POLR3B: variants seen among roughly 807,000 people sequenced by gnomAD.
The protein encoded by POLR3B is DNA-directed RNA polymerase III subunit RPC2.
In POLR3B, 96 loss-of-function variants were observed where a neutral mutation model predicts 147.4. The ratio of observed to expected loss-of-function variants is 0.65; its 90% confidence interval spans 0.55 to 0.77. The LOEUF is 0.77. POLR3B is among the 30% of genes least tolerant of loss of function. POLR3B has a pLI of 0.00. For missense variants in POLR3B, 1,036 were observed against 1,413.5 expected, an observed-to-expected ratio of 0.73 and a Z score of 4.28; for synonymous variants, 461 against 485.9, an observed-to-expected ratio of 0.95 and a Z score of 0.67.
intron 23 of POLR3B, among the ~76,000 whole-genome samples, chr12:106,483,873 A>G (rs557420537): frequency 6.6e-5 from 10 of 152,372 alleles, no homozygotes; most frequent in African/African-American, 1.9e-4. Flanking sequence ...TCCTCTGTTC[A>G]GTATTTAAAG....
intron 23 of POLR3B, among the ~76,000 whole-genome samples, chr12:106,491,534 G>A (rs1318181869): frequency 6.6e-6 from 1 of 152,192 alleles, no homozygotes; most frequent in Non-Finnish European, 1.5e-5. Flanking sequence ...ACCATTCAGT[G>A]TAAGGAGTGT....
At chr12:106,407,154 T>C (rs2136933326) in intron 11 of POLR3B, among the ~76,000 whole-genome samples, 1 of 152,342 alleles carries the variant, frequency 6.6e-6, no homozygotes, top group African/African-American at 2.4e-5. Context: ...CTCAACTGAA[T>C]TTTAAGCTCT....
chr12:106,400,290 T>C (rs2136924936), intron 10 of POLR3B, among the ~76,000 whole-genome samples: 1 of 152,328 alleles, frequency 6.6e-6, no homozygotes, highest in East Asian at 1.9e-4. Flanking sequence ...CTAACTATCC[T>C]AAATATATAT....
chr12:106,432,031 G>A (rs773322456), intron 14 of POLR3B, among the ~76,000 whole-genome samples: 1 of 152,130 alleles, frequency 6.6e-6, no homozygotes, highest in Non-Finnish European at 1.5e-5. Flanking sequence ...AATCAGTTTT[G>A]TTGGGCATTT....
chr12:106,490,088 C>T (rs1340832488), intron 23 of POLR3B, among the ~76,000 whole-genome samples: 3 of 152,114 alleles, frequency 2.0e-5, no homozygotes, highest in Admixed American at 6.5e-5. Context: ...TTTTTAGGAA[C>T]AAATTTTGGT....
intron 4 of POLR3B, among the ~76,000 whole-genome samples, chr12:106,367,942 G>T (rs1255733841): frequency 6.6e-6 from 1 of 151,984 alleles, no homozygotes; most frequent in Non-Finnish European, 1.5e-5. Flanking sequence ...CATTCCTTCT[G>T]CAGTGATACT....
chr12:106,457,102 C>T lies in POLR3B; in HGVS notation c.2294-36C>T, dbSNP rs141697132. On this transcript the variant is annotated intron_variant, in intron 20 of 27. Coordinates refer to ENST00000228347, the MANE Select transcript of POLR3B (RefSeq NM_018082.6). ...CATATTTCCTTATAGCTTTGGGTTA[C>T]TGGTGGTTCTAATGCCCATCTTGGT... The T allele has an allele frequency of 4.8e-4, 757 of 1,583,792 alleles. 12 individuals are homozygous for T. The East Asian group carries it at 0.017, about 35-fold the overall frequency.
At chr12:106,461,080 T>A (rs999068280) in intron 22 of POLR3B, among the ~76,000 whole-genome samples, 4 of 152,072 alleles carry the variant, frequency 2.6e-5, no homozygotes, top group African/African-American at 7.2e-5. Flanking sequence ...CCTATGTGTT[T>A]GTTTCATTCA....
chr12:106,377,637 C>A (rs558803477), intron 7 of POLR3B, among the ~76,000 whole-genome samples: 1 of 152,300 alleles, frequency 6.6e-6, no homozygotes, highest in African/African-American at 2.4e-5. Flanking sequence ...TACACTTGTA[C>A]TTAAGAGCTC....
intron 4 of POLR3B, among the ~76,000 whole-genome samples, chr12:106,368,539 A>G (rs551446648): frequency 1.4e-4 from 21 of 152,292 alleles, no homozygotes; most frequent in African/African-American, 5.1e-4. Flanking sequence ...AAAATTTAAA[A>G]AAAAATTTTT....
chr12:106,477,478 C>A (rs2137053102), intron 23 of POLR3B, among the ~76,000 whole-genome samples: 1 of 143,338 alleles, frequency 7.0e-6, no homozygotes, highest in African/African-American at 2.7e-5. Context: ...TGCCGCCTTG[C>A]CGTTTGATCT....
chr12:106,455,340 C>G (rs1280038753), intron 20 of POLR3B, among the ~76,000 whole-genome samples: 1 of 152,158 alleles, frequency 6.6e-6, no homozygotes, highest in East Asian at 1.9e-4. Flanking sequence ...CTGGCGTACC[C>G]ACTATGCCTT....
rs142830060 is a variant in POLR3B at position 106,481,885 on chromosome 12, G to A, written c.2714-14170G>A. ...TAATAAAAAATGAGAAGGATTTTTA[G>A]AGCACTAACCTTTTGTTTCCTGACC... On this transcript the variant is annotated intron_variant, in intron 23 of 27. Transcript: ENST00000228347. 3.4e-3 allele frequency among the ~76,000 whole-genome samples: 518 copies of A among 152,260 alleles called. 9 individuals carry two copies. The highest frequency in any genetic ancestry group is 0.03 in the Admixed American group (462 of 15,288).
At chr12:106,384,493 TA>T (rs1471788670) in intron 9 of POLR3B, among the ~76,000 whole-genome samples, 1 of 152,206 alleles carries the variant, frequency 6.6e-6, no homozygotes, top group African/African-American at 2.4e-5. Context: ...CACAGAGTGG[TA>T]AAAACTTAGA....
At chr12:106,358,025 C>G (rs776200767) in intron 1 of POLR3B, 74 bp downstream of exon 1, 187 of 1,583,882 alleles carry the variant, frequency 1.2e-4, no homozygotes, top group Non-Finnish European at 1.5e-4. Context: ...AGTGCTCGGG[C>G]CGCCAAGGGG....
chr12:106,442,996 A>G (rs1388558165), intron 18 of POLR3B, among the ~76,000 whole-genome samples: 2 of 152,224 alleles, frequency 1.3e-5, no homozygotes, highest in Non-Finnish European at 2.9e-5. Context: ...TGTGTCCAGT[A>G]CTACCCATAG....
chr12:106,441,442 C>CT (rs1412273693), intron 18 of POLR3B, among the ~76,000 whole-genome samples: 11 of 152,150 alleles, frequency 7.2e-5, no homozygotes, highest in African/African-American at 2.7e-4. Flanking sequence ...GCATATTACT[C>CT]TACTGAACAT....
At chr12:106,429,290 C>A (rs910140228) in intron 13 of POLR3B, among the ~76,000 whole-genome samples, 1 of 152,172 alleles carries the variant, frequency 6.6e-6, no homozygotes, top group Non-Finnish European at 1.5e-5. Context: ...CAGACGTGCA[C>A]CACCACGCCC....
At chr12:106,451,340 A>C (rs1378536364) in intron 19 of POLR3B, among the ~76,000 whole-genome samples, 1 of 152,032 alleles carries the variant, frequency 6.6e-6, no homozygotes, top group Non-Finnish European at 1.5e-5. Flanking sequence ...TTTAAAAGAA[A>C]ATTGAGGCCA....
Sources: allele counts gnomAD v4.1 joint callset (sites outside exome capture counted in the v4.1 genomes callset), GRCh38; gene constraint gnomAD v4.1.1; transcripts MANE v1.5; gene names NCBI Gene and HGNC (gene_info 2026-07-23, HGNC 2026-07-21).